The following ROBO2 variants were observed in gnomAD, a reference collection of about 807,000 sequenced individuals.
ROBO2 encodes roundabout guidance receptor 2, also known as roundabout homolog 2.
ROBO2 carries 53 observed loss-of-function variants against 160.8 expected under a neutral mutation model. The observed-to-expected ratio is 0.33, with a 90% CI of 0.26 to 0.41. The LOEUF (loss-of-function observed/expected upper bound fraction) is 0.41. Ranked by LOEUF, ROBO2 falls within the 10% of genes least tolerant of loss-of-function variation. The pLI, the probability that ROBO2 is intolerant of heterozygous loss-of-function variation, is 1.00. For missense variants in ROBO2, 1,577 were observed against 1,722.4 expected (o/e 0.92, Z 1.49); for synonymous variants, 664 against 611.7 (o/e 1.09, Z -1.26).
chr3:76,355,811 G>T (rs889435861), intron 2 of ROBO2, among the ~76,000 whole-genome samples: 1 of 151,738 alleles, frequency 6.6e-6, no homozygotes, highest in South Asian at 2.1e-4. Flanking sequence ...AGGATATCCC[G>T]TGCAGAAAAC....
chr3:76,700,705 G>A (rs955430343), intron 2 of ROBO2, among the ~76,000 whole-genome samples: 3 of 152,082 alleles, frequency 2.0e-5, no homozygotes, highest in Non-Finnish European at 4.4e-5. Context: ...CTGTCATGTA[G>A]TGAAGCCCCA....
At chr3:77,482,912 T>C (rs2084881049) in intron 4 of ROBO2, among the ~76,000 whole-genome samples, 1 of 151,858 alleles carries the variant, frequency 6.6e-6, no homozygotes, top group Non-Finnish European at 1.5e-5. Flanking sequence ...CAGAAGGAAA[T>C]TGAAAGGGTT....
intron 2 of ROBO2, among the ~76,000 whole-genome samples, chr3:77,181,591 C>T (rs1040527019): frequency 2.6e-5 from 4 of 151,872 alleles, no homozygotes; most frequent in African/African-American, 9.7e-5. Context: ...AAAATGTATC[C>T]CCCCTTCTAA....
intron 2 of ROBO2, among the ~76,000 whole-genome samples, chr3:77,368,968 C>A (rs6777729): frequency 0.044 from 6,748 of 152,204 alleles, 471 homozygotes; most frequent in East Asian, 0.24. Flanking sequence ...TCACTACTTA[C>A]GGGGGTGTTA....
chr3:77,228,465 T>G (rs374691559), intron 2 of ROBO2, among the ~76,000 whole-genome samples: 2 of 152,088 alleles, frequency 1.3e-5, no homozygotes, highest in Admixed American at 6.6e-5. Flanking sequence ...AAAATTACTT[T>G]GCCCACTTTT....
At chr3:77,649,051 G>C (rs981263158) in exon 26 of ROBO2, 1 of 152,084 alleles carries the variant, frequency 6.6e-6, no homozygotes, top group Non-Finnish European at 1.5e-5. Flanking sequence ...AGGTGGAGTC[G>C]CCCTACCCCT....
At chr3:76,769,098 A>C (rs1308648659) in intron 2 of ROBO2, among the ~76,000 whole-genome samples, 1 of 151,458 alleles carries the variant, frequency 6.6e-6, no homozygotes, top group African/African-American at 2.4e-5. Flanking sequence ...GTAGACTGCT[A>C]CGTGGCAACA....
chr3:76,567,711 G>GTA (rs1195431742), intron 2 of ROBO2, among the ~76,000 whole-genome samples: 32 of 118,898 alleles, frequency 2.7e-4, no homozygotes, highest in Non-Finnish European at 4.5e-4. Flanking sequence ...GTGTATATGT[G>GTA]TATATATATA....
At chr3:76,624,796 CAAAAAAAAAAAAAAAAAAA>C (rs57920315) in intron 2 of ROBO2, among the ~76,000 whole-genome samples, 7 of 46,324 alleles carry the variant, frequency 1.5e-4, no homozygotes, top group Non-Finnish European at 2.4e-4. Context: ...GACTCCGTCT[CAAAAAAAAAAAAAAAAAAA>C]AAAAAAAAAA....
chr3:77,634,830 T>C, intron 23 of ROBO2, 40 bp from the exon 25 acceptor site: 1 of 1,590,340 alleles, frequency 6.3e-7, no homozygotes, highest in Non-Finnish European at 8.6e-7. Flanking sequence ...TGTGCTATAA[T>C]GTCATTCTCT....
intron 2 of ROBO2, among the ~76,000 whole-genome samples, chr3:76,503,871 T>C (rs2080619250): frequency 6.6e-6 from 1 of 152,206 alleles, no homozygotes; most frequent in Admixed American, 6.5e-5. Context: ...CCAAGAGACC[T>C]GTTTTTAAAA....
At chr3:76,143,924 G>C (rs1452257061) in intron 2 of ROBO2, among the ~76,000 whole-genome samples, 1 of 151,898 alleles carries the variant, frequency 6.6e-6, no homozygotes, top group African/African-American at 2.4e-5. Context: ...TCAGCTCAGA[G>C]TCAATCAGAG....
At chr3:76,917,031 G>C (rs906283395) in intron 2 of ROBO2, among the ~76,000 whole-genome samples, 1 of 152,088 alleles carries the variant, frequency 6.6e-6, no homozygotes, top group African/African-American at 2.4e-5. Flanking sequence ...AGCTTAAAAG[G>C]GGGCCTTTAA....
intron 2 of ROBO2, among the ~76,000 whole-genome samples, chr3:76,681,716 G>T (rs1166276299): frequency 6.6e-6 from 1 of 152,042 alleles, no homozygotes; most frequent in East Asian, 1.9e-4. Flanking sequence ...GAGGGTCAGT[G>T]TGGCTGGAAA....
intron 2 of ROBO2, among the ~76,000 whole-genome samples, chr3:76,586,093 G>A (rs2086020236): frequency 6.6e-6 from 1 of 152,270 alleles, no homozygotes; most frequent in South Asian, 2.1e-4. Context: ...CTTTAAAATA[G>A]TCTTTACACA....
chr3:77,381,922 C>A (rs1255817500), intron 2 of ROBO2, among the ~76,000 whole-genome samples: 2 of 152,054 alleles, frequency 1.3e-5, no homozygotes, highest in African/African-American at 2.4e-5. Flanking sequence ...AACTTGATGC[C>A]AATTGACATG....
chr3:75,989,725 T>C (rs906088492), intron 2 of ROBO2, among the ~76,000 whole-genome samples: 2 of 152,228 alleles, frequency 1.3e-5, no homozygotes, highest in South Asian at 2.1e-4. Context: ...CAATACAAAA[T>C]AAAATTTGAA....
intron 23 of ROBO2, among the ~76,000 whole-genome samples, chr3:77,628,503 C>G (rs2095084292): frequency 6.6e-6 from 1 of 151,226 alleles, no homozygotes; most frequent in Non-Finnish European, 1.5e-5. Flanking sequence ...GTTTAAATCT[C>G]AACATTTTTC....
intron 2 of ROBO2, among the ~76,000 whole-genome samples, chr3:76,590,964 A>C (rs942296217): frequency 7.9e-5 from 12 of 152,110 alleles, no homozygotes; most frequent in Non-Finnish European, 1.8e-4. Context: ...GATATGTTAC[A>C]TATCTGCGAT....
Sources: allele counts gnomAD v4.1 joint callset (sites outside exome capture counted in the v4.1 genomes callset), GRCh38; gene constraint gnomAD v4.1.1; transcripts MANE v1.5; gene names NCBI Gene and HGNC (gene_info 2026-07-23, HGNC 2026-07-21).